GLIS3: variants seen among roughly 807,000 people sequenced by gnomAD.
GLIS3 encodes the protein zinc finger protein GLIS3.
GLIS3 carries 53 observed loss-of-function variants against 78.6 expected under a neutral mutation model. The ratio of observed to expected loss-of-function variants is 0.67; its 90% confidence interval spans 0.54 to 0.85. The LOEUF (loss-of-function observed/expected upper bound fraction) is 0.85. Among genes scored for constraint, GLIS3 ranks in the 40% least tolerant of loss-of-function variants. The pLI, the probability that GLIS3 is intolerant of heterozygous loss-of-function variation, is 0.00. For synonymous variants in GLIS3, 684 were observed against 509.9 expected (o/e 1.34, Z -4.60); for missense variants, 1,703 against 1,231.1 (o/e 1.38, Z -5.74).
intron 2 of GLIS3, among the ~76,000 whole-genome samples, chr9:4,158,597 T>C (rs1361839500): frequency 1.3e-5 from 2 of 152,222 alleles, no homozygotes; most frequent in African/African-American, 4.8e-5. Flanking sequence ...CCTATAGCAC[T>C]TTGTTAAGGT....
chr9:4,010,072 C>G (rs1821875153), intron 4 of GLIS3, among the ~76,000 whole-genome samples: 1 of 152,088 alleles, frequency 6.6e-6, no homozygotes, highest in Non-Finnish European at 1.5e-5. Context: ...TCACTAGACT[C>G]TAATAGCACC....
At chr9:4,060,450 G>A (rs1391867585) in intron 4 of GLIS3, among the ~76,000 whole-genome samples, 1 of 152,166 alleles carries the variant, frequency 6.6e-6, no homozygotes, top group Non-Finnish European at 1.5e-5. Flanking sequence ...CCCCCGTGTT[G>A]AAACTTAATC....
chr9:4,255,556 A>G (rs1478448009), intron 2 of GLIS3, among the ~76,000 whole-genome samples: 2 of 152,254 alleles, frequency 1.3e-5, no homozygotes, highest in African/African-American at 4.8e-5. Flanking sequence ...CTATCAAGCC[A>G]TGACAAGATA....
chr9:4,437,364 T>C, the GLIS3 span, among the ~76,000 whole-genome samples: 2 of 152,332 alleles, frequency 1.3e-5, no homozygotes, highest in East Asian at 3.9e-4. Flanking sequence ...TTTATTCTTT[T>C]TACATATTCA....
chr9:4,086,275 A>G (rs1829013137), intron 4 of GLIS3, among the ~76,000 whole-genome samples: 1 of 152,190 alleles, frequency 6.6e-6, no homozygotes, highest in East Asian at 1.9e-4. Flanking sequence ...CTGAAGAATC[A>G]TGACCTCTAT....
chr9:4,279,035 C>T (rs1326581955), intron 2 of GLIS3, among the ~76,000 whole-genome samples: 1 of 152,132 alleles, frequency 6.6e-6, no homozygotes, highest in Non-Finnish European at 1.5e-5. Flanking sequence ...GGCACGGTGG[C>T]TCATGCCTGT....
chr9:4,215,658 G>A (rs1028605), intron 2 of GLIS3, among the ~76,000 whole-genome samples: 32,732 of 152,152 alleles, frequency 0.22, 4,617 homozygotes, highest in South Asian at 0.48. Context: ...TGCAATGAAT[G>A]TTCCCATCAT....
At chr9:4,059,829 T>TGTGTGTGTGTGAGAGAGAGAGAGA in intron 4 of GLIS3, among the ~76,000 whole-genome samples, 3 of 100,706 alleles carry the variant, frequency 3.0e-5, no homozygotes, top group Admixed American at 1.1e-4. Context: ...TGTGTGTGTG[T>TGTGTGTGTGTGAGAGAGAGAGAGA]GAGAGAGAGA....
chr9:4,206,997 G>A (rs1819938331), intron 2 of GLIS3, among the ~76,000 whole-genome samples: 1 of 152,168 alleles, frequency 6.6e-6, no homozygotes, highest in Non-Finnish European at 1.5e-5. Flanking sequence ...ATTTTGTAGA[G>A]CCAGAGGGGA....
upstream of GLIS3, among the ~76,000 whole-genome samples, chr9:4,301,112 GT>G: frequency 6.6e-6 from 1 of 152,276 alleles, no homozygotes; most frequent in Non-Finnish European, 1.5e-5. Context: ...TCTAATTTCA[GT>G]GGGAATACTA....
intron 4 of GLIS3, among the ~76,000 whole-genome samples, chr9:4,086,880 C>T (rs1829076167): frequency 6.6e-6 from 1 of 152,192 alleles, no homozygotes; most frequent in Non-Finnish European, 1.5e-5. Context: ...TTGTAGCATT[C>T]TCCACAGTCT....
At chr9:4,431,278 G>C in the GLIS3 span, among the ~76,000 whole-genome samples, 1 of 152,206 alleles carries the variant, frequency 6.6e-6, no homozygotes, top group Non-Finnish European at 1.5e-5. Flanking sequence ...CATGGAAAGA[G>C]GAATTGTTTG....
At chr9:4,143,618 A>G (rs905725086) in intron 2 of GLIS3, among the ~76,000 whole-genome samples, 2 of 152,178 alleles carry the variant, frequency 1.3e-5, no homozygotes, top group Admixed American at 6.5e-5. Flanking sequence ...TTTCAGGTAA[A>G]CAATACAGTA....
intron 2 of GLIS3, among the ~76,000 whole-genome samples, chr9:4,127,896 A>G (rs1329521904): frequency 6.6e-6 from 1 of 152,234 alleles, no homozygotes; most frequent in African/African-American, 2.4e-5. Context: ...CAGCTGGAAC[A>G]GCATCCAAGG....
chr9:4,054,309 A>G (rs917484491), intron 4 of GLIS3: 2 of 983,108 alleles, frequency 2.0e-6, no homozygotes, highest in African/African-American at 3.5e-5. Context: ...CGTACTCTAC[A>G]GATGTTTCCA....
chr9:4,415,118 T>G, the GLIS3 span, among the ~76,000 whole-genome samples: 2,041 of 152,274 alleles, frequency 0.013, 24 homozygotes, highest in Non-Finnish European at 0.021. Context: ...CTGAAGGACC[T>G]CCTCATCTAT....
intron 2 of GLIS3, among the ~76,000 whole-genome samples, chr9:4,346,380 C>T (rs927840738): frequency 2.0e-5 from 2 of 101,064 alleles, no homozygotes; most frequent in Non-Finnish European, 4.1e-5. Flanking sequence ...CTTTGGTGTT[C>T]TAGCCAGTGA....
the GLIS3 span, among the ~76,000 whole-genome samples, chr9:4,433,077 A>G: frequency 1.4e-4 from 22 of 152,306 alleles, no homozygotes; most frequent in Non-Finnish European, 2.8e-4. Flanking sequence ...TACTCAACCA[A>G]CATGCCCAGA....
At chr9:4,355,384 T>A in the GLIS3 span, among the ~76,000 whole-genome samples, 1 of 152,184 alleles carries the variant, frequency 6.6e-6, no homozygotes, top group East Asian at 1.9e-4. Context: ...AGCACATGGC[T>A]GATATCTTGT....
Sources: gnomAD v4.1 joint callset for allele counts (sites outside exome capture counted in the v4.1 genomes callset) on GRCh38, gnomAD v4.1.1 for gene constraint, MANE v1.5 for transcripts, NCBI Gene and HGNC (gene_info 2026-07-23, HGNC 2026-07-21) for gene names.